Variants in NCAM2 observed in about 807,000 individuals in gnomAD.
NCAM2 encodes the protein N-CAM-2.
In NCAM2, 30 loss-of-function variants were observed where a neutral mutation model predicts 98.1. The observed-to-expected ratio is 0.31, with a 90% CI of 0.23 to 0.41. The LOEUF is 0.41. Among genes scored for constraint, NCAM2 ranks in the 10% least tolerant of loss-of-function variants. The pLI, the probability that NCAM2 is intolerant of heterozygous loss-of-function variation, is 1.00. For missense variants in NCAM2, 867 were observed against 1,005.8 expected, an observed-to-expected ratio of 0.86 and a Z score of 1.87; for synonymous variants, 368 against 342.4, an observed-to-expected ratio of 1.07 and a Z score of -0.83.
At chr21:21,264,719 G>A (rs185664013) in intron 1 of NCAM2, among the ~76,000 whole-genome samples, 1 of 146,414 alleles carries the variant, frequency 6.8e-6, no homozygotes, top group Admixed American at 6.9e-5. Context: ...ACATCATTTT[G>A]TTAAGATCTT....
intron 1 of NCAM2, among the ~76,000 whole-genome samples, chr21:21,003,451 G>A (rs2064056292): frequency 6.6e-6 from 1 of 152,058 alleles, no homozygotes; most frequent in Non-Finnish European, 1.5e-5. Flanking sequence ...CCTTGAAGAA[G>A]CAACTTATGC....
At chr21:21,212,742 C>CTTTTTTT (rs34111265) in intron 1 of NCAM2, among the ~76,000 whole-genome samples, 2 of 124,736 alleles carry the variant, frequency 1.6e-5, no homozygotes, top group African/African-American at 3.0e-5. Flanking sequence ...ATTATCTGTG[C>CTTTTTTT]TTTTTTTTTT....
chr21:21,024,602 C>T (rs926734230), intron 1 of NCAM2, among the ~76,000 whole-genome samples: 2 of 152,112 alleles, frequency 1.3e-5, no homozygotes, highest in African/African-American at 2.4e-5. Flanking sequence ...GGGGGCTGGG[C>T]GCGGTGGCTC....
At chr21:20,999,168 G>A (rs1278011670) in intron 1 of NCAM2, among the ~76,000 whole-genome samples, 2 of 152,072 alleles carry the variant, frequency 1.3e-5, no homozygotes, top group African/African-American at 2.4e-5. Context: ...AACTAAGAGA[G>A]GGGCCGTGGA....
At chr21:21,306,229 T>C (rs2073875187) in intron 5 of NCAM2, among the ~76,000 whole-genome samples, 1 of 152,184 alleles carries the variant, frequency 6.6e-6, no homozygotes, top group African/African-American at 2.4e-5. Flanking sequence ...TAATCAAGTC[T>C]TCTGTATCTT....
At chr21:21,232,409 A>AT (rs1479154250) in intron 1 of NCAM2, among the ~76,000 whole-genome samples, 12 of 151,568 alleles carry the variant, frequency 7.9e-5, no homozygotes, top group Non-Finnish European at 1.5e-4. Context: ...TGAATTAAAT[A>AT]TTTTTTAGGT....
intron 1 of NCAM2, among the ~76,000 whole-genome samples, chr21:21,077,620 C>A (rs750165633): frequency 4.6e-5 from 7 of 151,800 alleles, no homozygotes; most frequent in Non-Finnish European, 7.4e-5. Flanking sequence ...AAGAGAAGTA[C>A]AAAATAAATA....
At chr21:21,247,812 C>T (rs1254043981) in intron 1 of NCAM2, among the ~76,000 whole-genome samples, 1 of 152,130 alleles carries the variant, frequency 6.6e-6, no homozygotes, top group Non-Finnish European at 1.5e-5. Context: ...ATCAATTTAT[C>T]TGAATGAAAA....
chr21:21,354,210 TC>T (rs2075412476), intron 8 of NCAM2, among the ~76,000 whole-genome samples: 1 of 152,170 alleles, frequency 6.6e-6, no homozygotes, highest in South Asian at 2.1e-4. Context: ...GTTATACTTC[TC>T]CTACGTAGTA....
chr21:21,423,560 A>G (rs2145981099), intron 11 of NCAM2, among the ~76,000 whole-genome samples: 1 of 152,298 alleles, frequency 6.6e-6, no homozygotes, highest in East Asian at 1.9e-4. Context: ...CTATTAAATA[A>G]TGTTAAATTC....
At chr21:21,236,788 A>G (rs1043066785) in intron 1 of NCAM2, among the ~76,000 whole-genome samples, 20 of 131,574 alleles carry the variant, frequency 1.5e-4, no homozygotes, top group Admixed American at 7.6e-5. Flanking sequence ...GTGTGTGTGC[A>G]TGCACACGTG....
At position 21,111,624 on chromosome 21, in the gene NCAM2, C is replaced by G. The variant is rs112330619; in HGVS notation, c.55+113006C>G. On this transcript the variant is annotated intron_variant, in intron 1 of 17. Transcript: ENST00000400546. The stretch of plus-strand genomic sequence containing the variant: ...AGCAGGGATAATCCATTCACAGGAA[C>G]GAGAAGAAAGCACAGTAGATGGTAA... 4.6e-3 allele frequency among the ~76,000 whole-genome samples: 702 copies of G among 152,124 alleles called. 10 individuals carry two copies. The highest frequency in any genetic ancestry group is 0.038 in the South Asian group (183 of 4,816).
chr21:21,137,517 G>T (rs530667875), intron 1 of NCAM2, among the ~76,000 whole-genome samples: 22 of 152,216 alleles, frequency 1.4e-4, no homozygotes, highest in Admixed American at 1.2e-3. Context: ...TGTGGCTCAC[G>T]CCTGTAATCC....
intron 1 of NCAM2, among the ~76,000 whole-genome samples, chr21:21,265,317 A>C: frequency 7.6e-6 from 1 of 131,684 alleles, no homozygotes; most frequent in South Asian, 2.3e-4. Context: ...ATACACGTAT[A>C]TATACACATA....
chr21:21,173,087 A>G (rs1458045145), intron 1 of NCAM2, among the ~76,000 whole-genome samples: 2 of 152,178 alleles, frequency 1.3e-5, no homozygotes, highest in African/African-American at 4.8e-5. Flanking sequence ...TAATTAATGT[A>G]ACATTATGCC....
intron 1 of NCAM2, among the ~76,000 whole-genome samples, chr21:21,009,197 T>A (rs1015537073): frequency 3.3e-5 from 5 of 152,190 alleles, no homozygotes; most frequent in Admixed American, 3.3e-4. Flanking sequence ...CCAAATTGAC[T>A]GATTTTAAAA....
At position 21,418,364 on chromosome 21, in the gene NCAM2, G is replaced by A. The variant is rs1176793027; in HGVS notation, c.1384-109G>A. ...GAAAATTAAAAATATATGGTAAGGA[G>A]TTGTTGGGTAAAAAATGAAATGTGT... On this transcript the variant is annotated intron_variant, in intron 10 of 17. Transcript: ENST00000400546. 1.6e-5 allele frequency: 12 copies of A among 753,546 alleles called. No homozygotes were observed. In the Admixed American group the frequency reaches 2.4e-4, roughly 15 times the overall value. The allele number at this position is 753,546 out of a possible 1,614,324, so 46.7% of individuals were successfully genotyped here. A position where few individuals can be genotyped will look rare whatever the true frequency, so the allele number is the denominator to read the frequency against.
chr21:21,100,967 A>T (rs2066229539), intron 1 of NCAM2, among the ~76,000 whole-genome samples: 2 of 151,898 alleles, frequency 1.3e-5, no homozygotes, highest in African/African-American at 4.8e-5. Flanking sequence ...TGACTTATTG[A>T]CTCTGCCTAA....
chr21:21,067,456 A>T (rs1467704069), intron 1 of NCAM2, among the ~76,000 whole-genome samples: 1 of 152,132 alleles, frequency 6.6e-6, no homozygotes, highest in Non-Finnish European at 1.5e-5. Flanking sequence ...TACCTCTTTT[A>T]TATAGGAATA....
Sources: gnomAD v4.1 joint callset for allele counts (sites outside exome capture counted in the v4.1 genomes callset) on GRCh38, gnomAD v4.1.1 for gene constraint, MANE v1.5 for transcripts, NCBI Gene and HGNC (gene_info 2026-07-23, HGNC 2026-07-21) for gene names.